The following SV2B variants were observed in gnomAD, a reference collection of about 807,000 sequenced individuals.
SV2B encodes solute carrier family 22 member B2.
Under a neutral mutation model 73.9 loss-of-function variants are expected in SV2B, and 41 were observed. That is an observed-to-expected ratio of 0.56 (90% CI 0.43 to 0.72). The LOEUF (loss-of-function observed/expected upper bound fraction) is 0.72, where lower values mean the gene tolerates loss of function less well. SV2B is among the 30% of genes least tolerant of loss of function. The probability of loss-of-function intolerance (pLI) is 0.00; values close to 1 mark genes in which losing one functional copy is unlikely to be tolerated. For synonymous variants in SV2B, 314 were observed against 314.2 expected (o/e 1.00, Z 0.01); for missense variants, 764 against 857.8 (o/e 0.89, Z 1.37).
At position 91,105,933 on chromosome 15, in the gene SV2B, TA is replaced by T. The variant is rs2041869823; in HGVS notation, c.-392+5571del. ...GTGTGGTGGCACATGCCTGTAGCCC[TA>T]GCTACTCGGGAGTCTGAGGTGGGAG... is the stretch of plus-strand genomic sequence containing the variant. On this transcript the variant is annotated intron_variant, in intron 1 of 12. Coordinates refer to ENST00000394232, the MANE Select transcript of SV2B (RefSeq NM_001323032.3). The surrounding 1 kb of genome is among the most constrained non-coding windows in gnomAD (Gnocchi z 5.5). Among the ~76,000 whole-genome samples, 1 of 152,014 alleles carries T rather than the reference TA, an allele frequency of 6.6e-6. No homozygotes were observed. The highest frequency in any genetic ancestry group is 2.4e-5 in the African/African-American group (1 of 41,386).
intron 1 of SV2B, among the ~76,000 whole-genome samples, chr15:91,176,269 T>C (rs1299352179): frequency 6.6e-6 from 1 of 150,946 alleles, no homozygotes; most frequent in Non-Finnish European, 1.5e-5. Context: ...ATGTGCCACA[T>C]TTTCTTAATA....
At position 91,242,976 on chromosome 15, in the gene SV2B, C is replaced by T. The variant is rs749632093; in HGVS notation, c.452-8843C>T. ...TGGCTGAAGTTAGGTGGTGGCTGCT[C>T]CCTTTAGACGGGCATGTATTTCTCA... On this transcript the variant is annotated intron_variant, in intron 2 of 12. Transcript: ENST00000394232. The surrounding 1 kb of genome is among the most constrained non-coding windows in gnomAD (Gnocchi z 4.9). Among the ~76,000 whole-genome samples, 3 of 152,076 alleles carry T rather than the reference C, an allele frequency of 2.0e-5. No individual in the cohort carries two copies. The highest frequency in any genetic ancestry group is 4.4e-5 in the Non-Finnish European group (3 of 68,018).
intron 1 of SV2B, among the ~76,000 whole-genome samples, chr15:91,215,515 C>G (rs1350322142): frequency 6.6e-6 from 1 of 152,140 alleles, no homozygotes; most frequent in Non-Finnish European, 1.5e-5. Context: ...ATACACTTTT[C>G]AGGGGGGAAT....
chr15:91,286,325 G>A (rs2048859057), intron 11 of SV2B, among the ~76,000 whole-genome samples: 1 of 152,174 alleles, frequency 6.6e-6, no homozygotes, highest in African/African-American at 2.4e-5. Flanking sequence ...AAATCTGCAA[G>A]CACATTTTTG....
chr15:91,112,244 C>T (rs185570272), intron 1 of SV2B, among the ~76,000 whole-genome samples: 74 of 152,200 alleles, frequency 4.9e-4, no homozygotes, highest in Admixed American at 1.6e-3. Context: ...CCAGATGTGC[C>T]AAGGAGGAAG....
chr15:91,281,980 C>A lies in SV2B; in HGVS notation c.1507+119C>A. 8.2e-7 allele frequency: 1 copy of A among 1,214,072 alleles called. No individual in the cohort carries two copies. Among genetic ancestry groups the A allele is most frequent in the Non-Finnish European group, 1.1e-6 (1 of 909,898 alleles). The allele number at this position is 1,214,072 out of a possible 1,614,324, so 75.2% of individuals were successfully genotyped here. A position where few individuals can be genotyped will look rare whatever the true frequency, so the allele number is the denominator to read the frequency against. Reference sequence around the variant, plus strand: ...AGGAAAGTATTCGTAGATACAAATGCCAAGCCTTGGTGGGGAAATGGATTT... The same window carrying A: ...AGGAAAGTATTCGTAGATACAAATGACAAGCCTTGGTGGGGAAATGGATTT... On this transcript the variant is annotated intron_variant, in intron 10 of 12. Transcript: ENST00000394232. The surrounding 1 kb of genome is among the most constrained non-coding windows in gnomAD (Gnocchi z 4.7).
intron 9 of SV2B, among the ~76,000 whole-genome samples, chr15:91,273,183 A>C (rs1319547826): frequency 6.6e-6 from 1 of 152,046 alleles, no homozygotes; most frequent in East Asian, 1.9e-4. Flanking sequence ...CAGTAGAGTA[A>C]AGCTCCTCGA....
At chr15:91,116,013 T>TATATGTATTA (rs2042169123) in intron 1 of SV2B, among the ~76,000 whole-genome samples, 3 of 152,196 alleles carry the variant, frequency 2.0e-5, no homozygotes, top group Non-Finnish European at 4.4e-5. Flanking sequence ...TAATACATTA[T>TATATGTATTA]TATATGCTTC....
At chr15:91,099,753 C>T (rs947148220), upstream of SV2B, among the ~76,000 whole-genome samples, 9 of 152,168 alleles carry the variant, frequency 5.9e-5, no homozygotes, top group African/African-American at 2.2e-4. Flanking sequence ...GCACCATGAT[C>T]GACGATACTT....
chr15:91,234,937 T>C lies in SV2B; in HGVS notation c.451+8223T>C, dbSNP rs1269707320. On this transcript the variant is annotated intron_variant, in intron 2 of 12. Transcript: ENST00000394232. The surrounding 1 kb of genome is among the most constrained non-coding windows in gnomAD (Gnocchi z 5.6). ...CGTCACTGTGGCCCATCAGTCAGAG[T>C]AGGAGCTTATGGTGGTTAGGTGATC... Among the ~76,000 whole-genome samples the C allele has an allele frequency of 6.6e-6, 1 of 152,012 alleles. No homozygotes were observed. Among genetic ancestry groups the C allele is most frequent in the Non-Finnish European group, 1.5e-5 (1 of 67,990 alleles).
At position 91,106,489 on chromosome 15, in the gene SV2B, A is replaced by G. The variant is rs1021329446; in HGVS notation, c.-392+6126A>G. ...AAATCTTTGCTTTGGTGGATTTTGA[A>G]GTGTAACTCCTTGAAGTTATTTCCT... is the stretch of plus-strand genomic sequence containing the variant. On this transcript the variant is annotated intron_variant, in intron 1 of 12. Transcript: ENST00000394232. The surrounding 1 kb of genome is among the most constrained non-coding windows in gnomAD (Gnocchi z 4.4). 1.3e-5 allele frequency among the ~76,000 whole-genome samples: 2 copies of G among 151,874 alleles called. No individual in the cohort carries two copies. Among genetic ancestry groups the G allele is most frequent in the East Asian group, 3.9e-4 (2 of 5,164 alleles).
intron 1 of SV2B, among the ~76,000 whole-genome samples, chr15:91,147,216 C>G (rs973724313): frequency 1.3e-5 from 2 of 152,258 alleles, no homozygotes; most frequent in African/African-American, 2.4e-5. Flanking sequence ...CAGAATTTCT[C>G]AACCATGTTG....
chr15:91,226,275 C>T lies in SV2B; in HGVS notation c.12C>T (p.Tyr4=). The part of the protein sequence containing the change: MDD[Y]KYQDNYGGYA... ...CGCAGAACCAAGGAATGGATGACTACAAGTATCAGGACAATTATGGGGGCT... is the reference window on the plus strand; with the variant it reads ...CGCAGAACCAAGGAATGGATGACTATAAGTATCAGGACAATTATGGGGGCT... Residue 4 remains tyrosine, a synonymous_variant, in exon 2 of 13, where the codon TAC becomes TAT. Transcript: ENST00000394232. The T allele has an allele frequency of 1.2e-6, 2 of 1,614,106 alleles. No individual in the cohort carries two copies. The highest frequency in any genetic ancestry group is 1.7e-6 in the Non-Finnish European group (2 of 1,180,012).
intron 1 of SV2B, among the ~76,000 whole-genome samples, chr15:91,153,854 G>A (rs902767570): frequency 6.6e-5 from 10 of 152,092 alleles, no homozygotes; most frequent in Non-Finnish European, 2.9e-5. Flanking sequence ...CATCTGCCAA[G>A]AGTCAAGACA....
At chr15:91,164,030 C>T (rs1316944180) in intron 1 of SV2B, among the ~76,000 whole-genome samples, 2 of 152,084 alleles carry the variant, frequency 1.3e-5, no homozygotes, top group African/African-American at 2.4e-5. Context: ...AATCCTTACC[C>T]CATTTCTTGT....
In SV2B at chr15:91,269,951, T is replaced by C. The variant is rs567237854; in HGVS notation, c.1373+1346T>C. Among the ~76,000 whole-genome samples the C allele has an allele frequency of 1.4e-4, 22 of 152,248 alleles. No homozygotes were observed. In the East Asian group the frequency reaches 4.3e-3, roughly 29 times the overall value. ...ATTATCCTCTGCCCAGAGTGACCAC[T>C]CTAGGGATGGCAGCTTGTGGTGGTG... On this transcript the variant is annotated intron_variant, in intron 9 of 12. Coordinates refer to ENST00000394232, the MANE Select transcript of SV2B (RefSeq NM_001323032.3).
intron 1 of SV2B, among the ~76,000 whole-genome samples, chr15:91,159,791 AAG>A (rs1454928530): frequency 1.3e-5 from 2 of 152,220 alleles, no homozygotes; most frequent in Non-Finnish European, 2.9e-5. Flanking sequence ...TAAATATGAA[AAG>A]AGAATAAAAT....
intron 9 of SV2B, among the ~76,000 whole-genome samples, chr15:91,276,799 GTTGTTGTTATTATTA>G (rs1428760142): frequency 3.1e-4 from 24 of 77,346 alleles, no homozygotes; most frequent in African/African-American, 6.3e-4. Flanking sequence ...TTATATTATT[GTTGTTGTTATTATTA>G]TTATTATTAT....
Position 91,251,954 on chromosome 15 carries a change from A to T in SV2B, c.587A>T (p.Gln196Leu). 6.2e-7 allele frequency: 1 copy of T among 1,614,078 alleles called. No individual in the cohort carries two copies. Among genetic ancestry groups the T allele is most frequent in the South Asian group, 1.1e-5 (1 of 91,066 alleles). ...ASFASLSSFV[Q>L]GYGAFLFCRL... ...TTCGCCTCCCTCTCTTCCTTCGTGC[A>T]GGGATATGGAGCCTTCCTCTTCTGC... The change falls in exon 3 of 13, where the codon CAG (glutamine) becomes CTG (leucine). Residue 196 changes from glutamine (Q) to leucine (L), a missense_variant. Gln to Leu is a moderately radical substitution (Grantham distance 113). Coordinates refer to ENST00000394232, the MANE Select transcript of SV2B (RefSeq NM_001323032.3).
Sources: gnomAD v4.1 joint callset for allele counts (sites outside exome capture counted in the v4.1 genomes callset) on GRCh38, gnomAD v4.1.1 for gene constraint, Gnocchi (gnomAD v3.1) non-coding constraint, MANE v1.5 for transcripts, NCBI Gene and HGNC (gene_info 2026-07-23, HGNC 2026-07-21) for gene names.